Variants in CACNB4 observed in about 807,000 individuals in gnomAD.
CACNB4 encodes the protein voltage-dependent L-type calcium channel subunit beta-4.
Under a neutral mutation model 71.2 loss-of-function variants are expected in CACNB4, and 32 were observed. The observed-to-expected ratio is 0.45, with a 90% CI of 0.34 to 0.60. The LOEUF is 0.60. Among genes scored for constraint, CACNB4 ranks in the 20% least tolerant of loss-of-function variants. The pLI is 0.01. For synonymous variants in CACNB4, 231 were observed against 236.9 expected (o/e 0.97, Z 0.23); for missense variants, 464 against 647.9 (o/e 0.72, Z 3.08).
intron 12 of CACNB4, chr2:151,851,068 T>C (rs2099838965): frequency 6.6e-6 from 1 of 152,228 alleles, no homozygotes; most frequent in Admixed American, 6.5e-5. Context: ...TGACTTTTCA[T>C]ACTGGAGATA....
chr2:151,985,694 A>G (rs1455213429), intron 2 of CACNB4, among the ~76,000 whole-genome samples: 2 of 149,686 alleles, frequency 1.3e-5, no homozygotes, highest in Non-Finnish European at 3.0e-5. Flanking sequence ...TTTTTTGCCA[A>G]TGAGCAAGAA....
rs1188954448 is a variant in CACNB4, at chr2:151,949,814, T to C, written c.148-66444A>G. ...CTGTAATACTGGCACTTTGGGAGGCTGAGGCGGTGGATCACTTAAGGTCAG... is the reference window on the plus strand; with the variant it reads ...CTGTAATACTGGCACTTTGGGAGGCCGAGGCGGTGGATCACTTAAGGTCAG... On this transcript the variant is annotated intron_variant, in intron 2 of 13. Transcript: ENST00000539935. 2.6e-5 allele frequency among the ~76,000 whole-genome samples: 4 copies of C among 152,296 alleles called. No individual in the cohort carries two copies. The South Asian group carries it at 6.2e-4, about 24-fold the overall frequency.
At chr2:152,045,953 GC>G (rs1212763948) in intron 2 of CACNB4, among the ~76,000 whole-genome samples, 6 of 152,172 alleles carry the variant, frequency 3.9e-5, no homozygotes, top group Non-Finnish European at 8.8e-5. Flanking sequence ...TAGAATGTAG[GC>G]AGATTGGAAA....
rs538829019 is a variant in CACNB4 at position 151,838,676 on chromosome 2, T to G, written c.*443A>C. The G allele has an allele frequency of 6.6e-6, 1 of 151,928 alleles. No homozygotes were observed. The highest frequency in any genetic ancestry group is 1.9e-4 in the East Asian group (1 of 5,178). 9.4% of individuals were successfully genotyped at this position (151,928 alleles called of 1,614,324 possible). ...GATTTTCTTATTAGTTTTTTTTTTT[T>G]CCCCCCAGATTTTTCAGTTGATTAC... On this transcript the variant is annotated 3_prime_UTR_variant, in exon 14 of 14. Coordinates refer to ENST00000539935, the MANE Select transcript of CACNB4 (RefSeq NM_000726.5).
intron 8 of CACNB4, 146 bp downstream of exon 8, chr2:151,870,385 C>T (rs1386448591): frequency 1.4e-6 from 1 of 721,736 alleles, no homozygotes; most frequent in Admixed American, 2.0e-5. Flanking sequence ...CCTCATGAGC[C>T]CCACACGGTA....
intron 2 of CACNB4, among the ~76,000 whole-genome samples, chr2:152,080,960 G>T (rs1232998666): frequency 6.6e-6 from 1 of 152,064 alleles, no homozygotes; most frequent in African/African-American, 2.4e-5. Context: ...AGCTTGCTGA[G>T]GCCCTCACCA....
At chr2:151,906,162 A>G (rs2099854760) in intron 2 of CACNB4, among the ~76,000 whole-genome samples, 1 of 152,192 alleles carries the variant, frequency 6.6e-6, no homozygotes, top group African/African-American at 2.4e-5. Flanking sequence ...ATCAACAGAA[A>G]TTACTCAGTT....
At chr2:152,009,882 C>T (rs1682960702) in intron 2 of CACNB4, among the ~76,000 whole-genome samples, 2 of 152,198 alleles carry the variant, frequency 1.3e-5, no homozygotes, top group African/African-American at 2.4e-5. Flanking sequence ...GCTAAAAAGG[C>T]GTCAAGAAAC....
intron 2 of CACNB4, among the ~76,000 whole-genome samples, chr2:152,023,451 T>C (rs1340466250): frequency 1.3e-5 from 2 of 151,158 alleles, no homozygotes; most frequent in Non-Finnish European, 2.9e-5. Flanking sequence ...TTTTTTTTGG[T>C]CAGACAAAGT....
chr2:151,999,195 T>G (rs1200414032), intron 2 of CACNB4, among the ~76,000 whole-genome samples: 8 of 152,108 alleles, frequency 5.3e-5, no homozygotes, highest in Non-Finnish European at 1.2e-4. Context: ...CAGGTGGTGC[T>G]TCTTCCCAGC....
At chr2:151,972,712 T>TGTTTTTTG (rs137904518) in intron 2 of CACNB4, 3 of 151,912 alleles carry the variant, frequency 2.0e-5, no homozygotes, top group Non-Finnish European at 4.4e-5. Flanking sequence ...TTTTGTTTTT[T>TGTTTTTTG]TTTTGTTATA....
intron 9 of CACNB4, chr2:151,866,957 G>A (rs2099843302): frequency 6.6e-6 from 1 of 152,194 alleles, no homozygotes; most frequent in African/African-American, 2.4e-5. Flanking sequence ...AATTCTACTT[G>A]ATTCGAGACA....
At chr2:152,012,098 T>A (rs1484165085) in intron 2 of CACNB4, among the ~76,000 whole-genome samples, 2 of 146,162 alleles carry the variant, frequency 1.4e-5, no homozygotes. Flanking sequence ...TTCTATTTAT[T>A]AAAAAAAAAA....
In CACNB4 at chr2:152,098,362, T is replaced by C; in HGVS notation, c.115A>G (p.Ser39Gly). ...RRSRLKRSDG[S>G]TTSTSFILRQ... ...AGGATGAAGCTGGTCGAAGTGGTGC[T>C]GCCATCGGATCTTTTCAACCTGCTC... is the stretch of plus-strand genomic sequence containing the variant. The change falls in exon 2 of 14, where the codon AGC becomes GGC. Residue 39 changes from serine to glycine, a missense_variant. Ser to Gly is a moderately conservative substitution (Grantham distance 56). Transcript: ENST00000539935. The surrounding 1 kb of genome is among the most constrained non-coding windows in gnomAD (Gnocchi z 5.3). 6.2e-7 allele frequency: 1 copy of C among 1,613,750 alleles called. No individual in the cohort carries two copies.
At chr2:152,093,213 CCTTCT>C (rs1688074297) in intron 2 of CACNB4, among the ~76,000 whole-genome samples, 2 of 152,084 alleles carry the variant, frequency 1.3e-5, no homozygotes, top group African/African-American at 4.8e-5. Context: ...TAGGGAGCTG[CCTTCT>C]CTTCTTTTTT....
At chr2:151,919,993 C>T (rs1217513825) in intron 2 of CACNB4, among the ~76,000 whole-genome samples, 2 of 152,156 alleles carry the variant, frequency 1.3e-5, no homozygotes, top group Non-Finnish European at 2.9e-5. Context: ...ACTATAAAGC[C>T]ATTTGGCAAT....
chr2:151,860,528 C>T (rs1198628621), intron 10 of CACNB4, 183 bp downstream of exon 10: 2 of 609,522 alleles, frequency 3.3e-6, no homozygotes, highest in Non-Finnish European at 5.9e-6. Context: ...AGCTGAGAGA[C>T]AGCAAGCTCT....
chr2:151,900,382 C>T lies in CACNB4; in HGVS notation c.148-17012G>A, dbSNP rs77664212. Among the ~76,000 whole-genome samples the T allele has an allele frequency of 5.3e-3, 811 of 152,254 alleles. 7 individuals are homozygous for T. Among genetic ancestry groups the T allele is most frequent in the African/African-American group, 0.018 (727 of 41,530 alleles). ...CAAGAAAGGTGCATGGAGAAGTCAG[C>T]GCTGGAACTGTGCCATAAGCATCAT... is the stretch of plus-strand genomic sequence containing the variant. On this transcript the variant is annotated intron_variant, in intron 2 of 13. Transcript: ENST00000539935.
intron 2 of CACNB4, chr2:151,971,531 C>A (rs1013053690): frequency 2.1e-5 from 15 of 702,772 alleles, no homozygotes; most frequent in South Asian, 1.5e-4. Context: ...ATCTGGACAA[C>A]CCCCCACACT....
Sources: allele counts gnomAD v4.1 joint callset (sites outside exome capture counted in the v4.1 genomes callset), GRCh38; gene constraint gnomAD v4.1.1; non-coding constraint Gnocchi (gnomAD v3.1); transcripts MANE v1.5; gene names NCBI Gene and HGNC (gene_info 2026-07-23, HGNC 2026-07-21).